SLC24A3: variants seen among roughly 807,000 people sequenced by gnomAD.
SLC24A3 encodes the protein sodium/potassium/calcium exchanger 3.
A neutral mutation model predicts 75.8 loss-of-function variants in SLC24A3; 28 were observed. The observed-to-expected ratio is 0.37, with a 90% CI of 0.27 to 0.51. SLC24A3 has a LOEUF of 0.51. SLC24A3 is among the 20% of genes least tolerant of loss of function. The pLI, the probability that SLC24A3 is intolerant of heterozygous loss-of-function variation, is 0.94. For synonymous variants in SLC24A3, 372 were observed against 334.1 expected, an observed-to-expected ratio of 1.11 and a Z score of -1.24; for missense variants, 663 against 847.8, an observed-to-expected ratio of 0.78 and a Z score of 2.71.
chr20:19,389,906 A>G (rs1412339988), intron 2 of SLC24A3, among the ~76,000 whole-genome samples: 1 of 151,028 alleles, frequency 6.6e-6, no homozygotes, highest in Non-Finnish European at 1.5e-5. Flanking sequence ...TCCTTTCTTC[A>G]CTCTTTAAAT....
chr20:19,624,031 C>A (rs182394325), intron 6 of SLC24A3, among the ~76,000 whole-genome samples: 5 of 152,338 alleles, frequency 3.3e-5, no homozygotes, highest in Non-Finnish European at 5.9e-5. Context: ...AAGGCACACC[C>A]CTTTCTCAAA....
At chr20:19,577,810 G>A (rs560362740) in intron 3 of SLC24A3, among the ~76,000 whole-genome samples, 7 of 152,260 alleles carry the variant, frequency 4.6e-5, no homozygotes, top group East Asian at 1.9e-4. Context: ...TTTTAAGGGC[G>A]TCTTATTGAA....
chr20:19,535,422 C>A (rs896459523), intron 3 of SLC24A3, among the ~76,000 whole-genome samples: 5 of 152,188 alleles, frequency 3.3e-5, no homozygotes, highest in Admixed American at 2.6e-4. Context: ...CATGCTCTGT[C>A]ATCCTTCACC....
At chr20:19,584,856 T>C in intron 4 of SLC24A3, 115 bp from the exon 5 acceptor site, 3 of 871,516 alleles carry the variant, frequency 3.4e-6, no homozygotes, top group Non-Finnish European at 5.4e-6. Flanking sequence ...TCGGTCCTAC[T>C]CTCGCTGAAG....
chr20:19,289,589 A>G (rs141470271), intron 2 of SLC24A3, among the ~76,000 whole-genome samples: 25 of 152,280 alleles, frequency 1.6e-4, no homozygotes, highest in South Asian at 4.1e-4. Context: ...AGAGCCTGCA[A>G]GAGAAGTCAC....
chr20:19,220,704 G>A (rs1357172845), intron 1 of SLC24A3, among the ~76,000 whole-genome samples: 2 of 152,182 alleles, frequency 1.3e-5, no homozygotes, highest in Non-Finnish European at 2.9e-5. Context: ...GGTTAGCTCC[G>A]TGCTTCTCAG....
At chr20:19,714,043 C>T (rs1021132264) in intron 15 of SLC24A3, among the ~76,000 whole-genome samples, 7 of 152,234 alleles carry the variant, frequency 4.6e-5, no homozygotes, top group Admixed American at 3.3e-4. Flanking sequence ...CAGCTGCTGT[C>T]GTGTGAAAAT....
At chr20:19,499,562 A>C (rs943260187) in intron 2 of SLC24A3, among the ~76,000 whole-genome samples, 1 of 152,166 alleles carries the variant, frequency 6.6e-6, no homozygotes, top group African/African-American at 2.4e-5. Flanking sequence ...ATACAGTTGC[A>C]TACCACTATG....
chr20:19,508,890 C>A (rs1381754093), intron 2 of SLC24A3, among the ~76,000 whole-genome samples: 1 of 152,206 alleles, frequency 6.6e-6, no homozygotes, highest in Admixed American at 6.5e-5. Context: ...ACCAGAAGCA[C>A]CTGCCTAGAG....
chr20:19,359,168 T>C (rs1278647049), intron 2 of SLC24A3, among the ~76,000 whole-genome samples: 1 of 152,226 alleles, frequency 6.6e-6, no homozygotes, highest in Non-Finnish European at 1.5e-5. Context: ...GTAGTAATTT[T>C]ATGATTGATT....
chr20:19,475,104 C>T (rs1224559791), intron 2 of SLC24A3, among the ~76,000 whole-genome samples: 2 of 152,058 alleles, frequency 1.3e-5, no homozygotes, highest in African/African-American at 4.8e-5. Flanking sequence ...TTTCGGAGGC[C>T]GAGGTGGGAG....
chr20:19,630,494 A>G (rs1198228055), intron 6 of SLC24A3, among the ~76,000 whole-genome samples: 1 of 152,216 alleles, frequency 6.6e-6, no homozygotes, highest in Non-Finnish European at 1.5e-5. Flanking sequence ...TGATGGTGAA[A>G]TTAAATAACA....
chr20:19,436,533 T>A (rs1987207017), intron 2 of SLC24A3, among the ~76,000 whole-genome samples: 1 of 152,250 alleles, frequency 6.6e-6, no homozygotes, highest in Non-Finnish European at 1.5e-5. Flanking sequence ...CCAGGAGCTT[T>A]GTGGCTGATA....
At chr20:19,268,792 G>A (rs1329170771) in intron 1 of SLC24A3, among the ~76,000 whole-genome samples, 6 of 152,194 alleles carry the variant, frequency 3.9e-5, no homozygotes, top group Admixed American at 3.9e-4. Flanking sequence ...TGGCTAAAAG[G>A]GGTTAAGGCT....
intron 11 of SLC24A3, 110 bp downstream of exon 11, chr20:19,684,446 C>A (rs1249274049): frequency 8.1e-7 from 1 of 1,234,016 alleles, no homozygotes; most frequent in Non-Finnish European, 1.1e-6. Context: ...AGTTTAACAC[C>A]GCAGCATCCC....
chr20:19,360,699 C>T (rs2122339476), intron 2 of SLC24A3, among the ~76,000 whole-genome samples: 1 of 152,344 alleles, frequency 6.6e-6, no homozygotes, highest in Middle Eastern at 3.4e-3. Flanking sequence ...ATGTGATTGT[C>T]AACATCTCAG....
At chr20:19,661,301 T>A (rs2032323605) in intron 7 of SLC24A3, among the ~76,000 whole-genome samples, 1 of 152,138 alleles carries the variant, frequency 6.6e-6, no homozygotes, top group South Asian at 2.1e-4. Flanking sequence ...ACAACCTTCA[T>A]CAATCAAGCC....
At chr20:19,608,850 A>C (rs1198320769) in intron 6 of SLC24A3, among the ~76,000 whole-genome samples, 5 of 152,172 alleles carry the variant, frequency 3.3e-5, no homozygotes, top group Admixed American at 6.5e-5. Context: ...CTGCTTAACA[A>C]TAGCATCTCT....
chr20:19,651,585 C>T (rs181004182), intron 6 of SLC24A3, among the ~76,000 whole-genome samples: 46 of 152,010 alleles, frequency 3.0e-4, no homozygotes, highest in African/African-American at 8.0e-4. Context: ...TCCGGCCAGG[C>T]GCCGTGGCTC....
Sources: allele counts gnomAD v4.1 joint callset (sites outside exome capture counted in the v4.1 genomes callset), GRCh38; gene constraint gnomAD v4.1.1; transcripts MANE v1.5; gene names NCBI Gene and HGNC (gene_info 2026-07-23, HGNC 2026-07-21).